MPP4: variants seen among roughly 807,000 people sequenced by gnomAD.
MPP4 encodes MAGUK p55 subfamily member 4.
In MPP4, 91 loss-of-function variants were observed where a neutral mutation model predicts 98.3. The observed-to-expected ratio is 0.93, with a 90% CI of 0.78 to 1.10. The LOEUF (loss-of-function observed/expected upper bound fraction) is 1.10, where lower values mean the gene tolerates loss of function less well. Ranked by LOEUF, MPP4 falls within the 50% of genes least tolerant of loss-of-function variation. The pLI, the probability that MPP4 is intolerant of heterozygous loss-of-function variation, is 0.00. For missense variants in MPP4, 744 were observed against 792.9 expected, an observed-to-expected ratio of 0.94 and a Z score of 0.74; for synonymous variants, 261 against 271.8, an observed-to-expected ratio of 0.96 and a Z score of 0.39.
rs998050833 is a variant in MPP4 at position 201,682,737 on chromosome 2, G to C, written c.660+94C>G. ...AGCTGCCAAGAGAACTTGAGTCCCC[G>C]GTACATCCCAGTGCACACACGTGGG... On this transcript the variant is annotated intron_variant, in intron 8 of 21. Coordinates refer to ENST00000409474, the MANE Select transcript of MPP4 (RefSeq NM_033066.3). 8 of 1,046,926 alleles carry C rather than the reference G, an allele frequency of 7.6e-6. No homozygotes were observed. The African/African-American group carries it at 1.3e-4, about 17-fold the overall frequency. 64.9% of individuals were successfully genotyped at this position (1,046,926 alleles called of 1,614,324 possible).
At chr2:201,675,898 G>A (rs976084726) in intron 10 of MPP4, among the ~76,000 whole-genome samples, 2 of 152,188 alleles carry the variant, frequency 1.3e-5, no homozygotes, top group African/African-American at 4.8e-5. Flanking sequence ...TTTGGAGCAA[G>A]AGAAGATTTC....
intron 7 of MPP4, among the ~76,000 whole-genome samples, chr2:201,683,714 T>TG (rs139728402): frequency 0.019 from 2,771 of 148,620 alleles, 28 homozygotes; most frequent in Non-Finnish European, 0.03. Context: ...ATTGCCCTAC[T>TG]GCACTCCAGC....
chr2:201,694,070 A>C lies in MPP4; in HGVS notation c.-100-16T>G. The C allele has an allele frequency of 6.3e-7, 1 of 1,598,016 alleles. No homozygotes were observed. The highest frequency in any genetic ancestry group is 8.5e-7 in the Non-Finnish European group (1 of 1,172,080). ...TCTCAGCACACTGGAATATATTTTC[A>C]ATAGCATTTCCTCAGCAAGCCAGGC... On this transcript the variant is annotated splice_polypyrimidine_tract_variant and intron_variant, in intron 1 of 21. Coordinates refer to ENST00000409474, the MANE Select transcript of MPP4 (RefSeq NM_033066.3).
intron 1 of MPP4, chr2:201,698,076 G>A (rs2105955699): frequency 1.0e-6 from 1 of 988,688 alleles, no homozygotes; most frequent in Non-Finnish European, 1.2e-6. Context: ...AGAAAGGATA[G>A]CCAGTTCTTG....
rs750194898 is a variant in MPP4 at position 201,681,028 on chromosome 2, C to T, written c.739G>A (p.Val247Ile). ...GGCCAGTACTCAGTCATGGCACGGA[C>T]GTACACCTGATGGCAGGTGCATAAT... ...PPVNSQQMVYVRAMTEYWPQE... is the reference protein window; with the variant it reads ...PPVNSQQMVYIRAMTEYWPQE... The change falls in exon 10 of 22, where the codon GTC becomes ATC. Residue 247 changes from valine (V) to isoleucine (I), a missense_variant. Transcript: ENST00000409474. The T allele has an allele frequency of 1.1e-5, 18 of 1,610,154 alleles. No individual in the cohort carries two copies. The highest frequency in any genetic ancestry group is 5.0e-5 in the Admixed American group (3 of 59,946).
chr2:201,687,620 C>A (rs183059973), intron 4 of MPP4, among the ~76,000 whole-genome samples: 1 of 152,292 alleles, frequency 6.6e-6, no homozygotes, highest in East Asian at 1.9e-4. Context: ...AATGCCCAAT[C>A]CTGGCACATA....
chr2:201,698,404 C>T (rs1287562466), intron 1 of MPP4, among the ~76,000 whole-genome samples, 183 bp downstream of exon 1: 1 of 152,110 alleles, frequency 6.6e-6, no homozygotes, highest in Non-Finnish European at 1.5e-5. Context: ...AATGGCTTCT[C>T]GAAGCAAAAC....
intron 8 of MPP4, 122 bp from the exon 9 acceptor site, chr2:201,681,689 C>T (rs1486430378): frequency 4.2e-6 from 3 of 715,532 alleles, no homozygotes; most frequent in African/African-American, 1.8e-5. Context: ...AAGAGCCTTT[C>T]ACAAGGGCTC....
chr2:201,648,289 T>C (rs1170455541), intron 20 of MPP4, among the ~76,000 whole-genome samples: 1 of 152,144 alleles, frequency 6.6e-6, no homozygotes, highest in African/African-American at 2.4e-5. Flanking sequence ...TTCCAAGGGA[T>C]TATAGGCATG....
intron 2 of MPP4, among the ~76,000 whole-genome samples, chr2:201,693,246 G>A (rs1383107664): frequency 6.6e-6 from 1 of 152,188 alleles, no homozygotes; most frequent in Non-Finnish European, 1.5e-5. Flanking sequence ...TGCCCAAGAT[G>A]AGAAGGTGCT....
chr2:201,647,063 T>C (rs1276800414), intron 21 of MPP4, among the ~76,000 whole-genome samples: 1 of 152,216 alleles, frequency 6.6e-6, no homozygotes, highest in African/African-American at 2.4e-5. Context: ...TACACCTTAC[T>C]GAATGTATGT....
At chr2:201,697,199 C>A (rs1438325190) in intron 1 of MPP4, among the ~76,000 whole-genome samples, 1 of 152,238 alleles carries the variant, frequency 6.6e-6, no homozygotes, top group Non-Finnish European at 1.5e-5. Context: ...GCATCCCAAT[C>A]TTCAACTTCC....
intron 11 of MPP4, among the ~76,000 whole-genome samples, chr2:201,674,377 C>T (rs898936449): frequency 2.6e-5 from 4 of 152,222 alleles, no homozygotes; most frequent in African/African-American, 7.2e-5. Flanking sequence ...AACGGTAGGA[C>T]TTCAGATGGC....
At chr2:201,683,181 T>C (rs1268136026) in intron 7 of MPP4, among the ~76,000 whole-genome samples, 2 of 152,122 alleles carry the variant, frequency 1.3e-5, no homozygotes, top group Non-Finnish European at 2.9e-5. Flanking sequence ...TGTTGTAAAA[T>C]GGAACCAGAA....
intron 5 of MPP4, among the ~76,000 whole-genome samples, chr2:201,686,624 T>G (rs1219133494): frequency 5.2e-4 from 79 of 152,178 alleles, no homozygotes; most frequent in Non-Finnish European, 1.6e-4. Flanking sequence ...GGAGAAGCTG[T>G]CACTCTGCCA....
chr2:201,666,637 T>TGG (rs1169120546), intron 12 of MPP4: 11 of 244,894 alleles, frequency 4.5e-5, no homozygotes, highest in South Asian at 1.1e-4. Flanking sequence ...GGCAGGAGAA[T>TGG]CGTTTGAACC....
chr2:201,656,233 C>A lies in MPP4; in HGVS notation c.1265G>T (p.Arg422Leu), dbSNP rs200543394. 224 of 1,604,832 alleles carry A rather than the reference C, an allele frequency of 1.4e-4. 3 individuals carry two copies. Among genetic ancestry groups the A allele is most frequent in the Middle Eastern group, 6.6e-4 (4 of 6,082 alleles). The change falls in exon 17 of 22, where the codon CGC becomes CTC. Residue 422 changes from arginine (R) to leucine (L), a missense_variant. By Grantham distance (102) the Arg-to-Leu change is moderately radical. Coordinates refer to ENST00000409474, the MANE Select transcript of MPP4 (RefSeq NM_033066.3). ...PYEEVVRYQR[R>L]PSDKYRLIVL... ...TATGAGGCGGTACTTGTCTGAAGGG[C>A]GTCGCTGGTACCTCACCACCTCCTC...
intron 10 of MPP4, among the ~76,000 whole-genome samples, chr2:201,677,067 T>C (rs923874590): frequency 2.0e-5 from 3 of 152,158 alleles, no homozygotes; most frequent in Non-Finnish European, 2.9e-5. Context: ...TCTGTAAATA[T>C]CTGTGTTTCC....
chr2:201,668,744 A>G (rs1464754356), intron 12 of MPP4, among the ~76,000 whole-genome samples: 1 of 152,134 alleles, frequency 6.6e-6, no homozygotes. Context: ...ATCACCCACC[A>G]CTACCGTACA....
Sources: allele counts gnomAD v4.1 joint callset (sites outside exome capture counted in the v4.1 genomes callset), GRCh38; gene constraint gnomAD v4.1.1; transcripts MANE v1.5; gene names NCBI Gene and HGNC (gene_info 2026-07-23, HGNC 2026-07-21).